The following LIMD1 variants were observed in gnomAD, a reference collection of about 807,000 sequenced individuals.
The protein encoded by LIMD1 is LIM domain-containing protein 1.
A neutral mutation model predicts 58.4 loss-of-function variants in LIMD1; 23 were observed. The observed-to-expected ratio is 0.39, with a 90% CI of 0.28 to 0.56. The LOEUF (loss-of-function observed/expected upper bound fraction) is 0.56, where lower values mean the gene tolerates loss of function less well. LIMD1 is among the 20% of genes least tolerant of loss of function. LIMD1 has a pLI of 0.57. For missense variants in LIMD1, 838 were observed against 855.5 expected (o/e 0.98, Z 0.25); for synonymous variants, 334 against 345.5 (o/e 0.97, Z 0.37).
intron 1 of LIMD1, among the ~76,000 whole-genome samples, chr3:45,609,322 G>A (rs181674989): frequency 3.9e-5 from 6 of 152,312 alleles, no homozygotes; most frequent in African/African-American, 1.2e-4. Flanking sequence ...TACATTTTGC[G>A]GTTAAGGGAA....
intron 1 of LIMD1, among the ~76,000 whole-genome samples, chr3:45,598,442 G>A (rs1701378426): frequency 6.6e-6 from 1 of 152,208 alleles, no homozygotes; most frequent in East Asian, 1.9e-4. Flanking sequence ...TGAGATGCAA[G>A]TTTATGCTGT....
intron 7 of LIMD1, among the ~76,000 whole-genome samples, chr3:45,675,709 A>G (rs1002247773): frequency 6.6e-5 from 10 of 152,000 alleles, no homozygotes; most frequent in Admixed American, 6.5e-4. Context: ...TAATTATTTT[A>G]TTCGGTTCAA....
At chr3:45,665,220 C>T (rs192634146) in intron 2 of LIMD1, among the ~76,000 whole-genome samples, 6 of 152,036 alleles carry the variant, frequency 3.9e-5, no homozygotes, top group Admixed American at 3.9e-4. Flanking sequence ...TCCTGATAGG[C>T]GGTCACAATG....
At chr3:45,614,389 T>C (rs1404755090) in intron 1 of LIMD1, among the ~76,000 whole-genome samples, 1 of 130,314 alleles carries the variant, frequency 7.7e-6, no homozygotes, top group Admixed American at 8.3e-5. Context: ...TAGCCGGGCG[T>C]GGTGGCGGGC....
Position 45,622,668 on chromosome 3 carries a change from AT to A in LIMD1, c.1409-13463del, listed in dbSNP as rs775471185. Among the ~76,000 whole-genome samples the A allele has an allele frequency of 9.9e-3, 1,392 of 140,400 alleles. 4 individuals are homozygous for A. The highest frequency in any genetic ancestry group is 0.011 in the Admixed American group (156 of 13,934). The allele number at this position is 140,400 out of a possible 152,430, so 92.1% of individuals were successfully genotyped here. A position where few individuals can be genotyped will look rare whatever the true frequency, so the allele number is the denominator to read the frequency against. On this transcript the variant is annotated intron_variant, in intron 1 of 7. Transcript: ENST00000273317. ...AAATAGTGTGAACTTTTTTAAAGGA[AT>A]TTTTTTTTTTTTTTTTTTAAACAGA...
chr3:45,613,143 A>T (rs566252022), intron 1 of LIMD1, among the ~76,000 whole-genome samples: 19 of 152,364 alleles, frequency 1.2e-4, no homozygotes, highest in African/African-American at 4.6e-4. Context: ...GATGTGCTTT[A>T]CAACGAGAAT....
chr3:45,602,099 C>T lies in LIMD1; in HGVS notation c.1408+5812C>T, dbSNP rs140178710. 3.2e-3 allele frequency among the ~76,000 whole-genome samples: 489 copies of T among 152,202 alleles called. 2 individuals are homozygous for T. Among genetic ancestry groups the T allele is most frequent in the African/African-American group, 0.011 (469 of 41,516 alleles). The stretch of plus-strand genomic sequence containing the variant: ...CTGGGACTGCAGGCGCCCGCCACCA[C>T]GCCCAGCTAATTTTTTATATATATG... On this transcript the variant is annotated intron_variant, in intron 1 of 7. Transcript: ENST00000273317.
chr3:45,636,142 C>CT lies in LIMD1; in HGVS notation c.1409-8_1409-7insT. The CT allele has an allele frequency of 6.2e-7, 1 of 1,611,908 alleles. No individual in the cohort carries two copies. ...CCTGACTCACTGATGTTTCTCTTGT[C>CT]CTGCAAGGAGCCTGTGTGAAATGCA... is the stretch of plus-strand genomic sequence containing the variant. On this transcript the variant is annotated splice_polypyrimidine_tract_variant and splice_region_variant and intron_variant, in intron 1 of 7. Transcript: ENST00000273317.
At chr3:45,620,054 CAA>C (rs1701615881) in intron 1 of LIMD1, among the ~76,000 whole-genome samples, 1 of 151,952 alleles carries the variant, frequency 6.6e-6, no homozygotes, top group African/African-American at 2.4e-5. Flanking sequence ...GAACTGATGT[CAA>C]GAGTGGGTAT....
chr3:45,653,914 A>AAAAAAAAAAAAAGAAAAAG (rs1701998533), intron 2 of LIMD1, among the ~76,000 whole-genome samples: 1 of 145,248 alleles, frequency 6.9e-6, no homozygotes, highest in Non-Finnish European at 1.5e-5. Flanking sequence ...TCTCAAAAAA[A>AAAAAAAAAAAAAGAAAAAG]AAAAAAAAAA....
intron 2 of LIMD1, among the ~76,000 whole-genome samples, chr3:45,645,013 A>G (rs899655760): frequency 6.6e-6 from 1 of 152,254 alleles, no homozygotes; most frequent in African/African-American, 2.4e-5. Flanking sequence ...GCAGTTCTGT[A>G]TGAGCTGAAT....
At chr3:45,611,246 T>C (rs995177999) in intron 1 of LIMD1, among the ~76,000 whole-genome samples, 1 of 152,224 alleles carries the variant, frequency 6.6e-6, no homozygotes, top group Admixed American at 6.5e-5. Flanking sequence ...GATTTCATGA[T>C]TGCCAACCAC....
chr3:45,640,185 C>T (rs1701827461), intron 2 of LIMD1, among the ~76,000 whole-genome samples: 2 of 152,296 alleles, frequency 1.3e-5, no homozygotes, highest in Non-Finnish European at 2.9e-5. Flanking sequence ...GGTCTTGTCC[C>T]TGTCTTATCA....
chr3:45,605,906 C>T (rs547261129), intron 1 of LIMD1, among the ~76,000 whole-genome samples: 2 of 152,184 alleles, frequency 1.3e-5, no homozygotes, highest in Non-Finnish European at 2.9e-5. Flanking sequence ...ACAGTGGGCT[C>T]AGGCCCAGCA....
intron 4 of LIMD1, among the ~76,000 whole-genome samples, chr3:45,670,006 G>T (rs1575367276): frequency 6.6e-6 from 1 of 152,252 alleles, no homozygotes; most frequent in East Asian, 1.9e-4. Context: ...GGCTTTGACA[G>T]ACCTCAGCAG....
intron 2 of LIMD1, among the ~76,000 whole-genome samples, chr3:45,662,795 G>A (rs775732683): frequency 6.6e-5 from 10 of 152,170 alleles, no homozygotes; most frequent in East Asian, 1.9e-4. Context: ...TCAGGAGTTC[G>A]AGACCAGCCT....
intron 1 of LIMD1, among the ~76,000 whole-genome samples, chr3:45,620,397 T>G (rs1033194329): frequency 6.6e-6 from 1 of 152,162 alleles, no homozygotes; most frequent in Non-Finnish European, 1.5e-5. Flanking sequence ...AGGGAAAACT[T>G]TTGTACAGAG....
chr3:45,618,641 G>T (rs1355035498), intron 1 of LIMD1, among the ~76,000 whole-genome samples: 1 of 152,214 alleles, frequency 6.6e-6, no homozygotes, highest in African/African-American at 2.4e-5. Context: ...GCACCTCTGT[G>T]CCAGGAGCAG....
At chr3:45,624,757 A>C (rs1418683961) in intron 1 of LIMD1, among the ~76,000 whole-genome samples, 1 of 151,878 alleles carries the variant, frequency 6.6e-6, no homozygotes, top group South Asian at 2.1e-4. Context: ...ACTTTCCATC[A>C]CAACAGGAGA....
Sources: gnomAD v4.1 joint callset for allele counts (sites outside exome capture counted in the v4.1 genomes callset) on GRCh38, gnomAD v4.1.1 for gene constraint, MANE v1.5 for transcripts, NCBI Gene and HGNC (gene_info 2026-07-23, HGNC 2026-07-21) for gene names.